FAM3C: variants seen among roughly 807,000 people sequenced by gnomAD.
FAM3C encodes protein FAM3C.
Under a neutral mutation model 32.5 loss-of-function variants are expected in FAM3C, and 15 were observed. The observed-to-expected ratio is 0.46, with a 90% CI of 0.31 to 0.71. The LOEUF (loss-of-function observed/expected upper bound fraction) is 0.71, where lower values mean the gene tolerates loss of function less well. Ranked by LOEUF, FAM3C falls within the 30% of genes least tolerant of loss-of-function variation. The pLI is 0.05. For missense variants in FAM3C, 175 were observed against 274.4 expected (o/e 0.64, Z 2.56); for synonymous variants, 75 against 86.1 (o/e 0.87, Z 0.72).
Position 121,350,454 on chromosome 7 carries a change from A to G in FAM3C, c.*7T>C, listed in dbSNP as rs367676796. Reference sequence around the variant, plus strand: ...GTGCGCTTTCTTCAATTCTCTCCACATTTCCATTAGTCTTGCTTCTGGGGG... The same window carrying G: ...GTGCGCTTTCTTCAATTCTCTCCACGTTTCCATTAGTCTTGCTTCTGGGGG... On this transcript the variant is annotated 3_prime_UTR_variant, in exon 10 of 10. Coordinates refer to ENST00000359943, the MANE Select transcript of FAM3C (RefSeq NM_014888.3). 2.5e-5 allele frequency: 40 copies of G among 1,611,020 alleles called. No homozygotes were observed. The highest frequency in any genetic ancestry group is 3.2e-5 in the Non-Finnish European group (38 of 1,179,166).
Position 121,350,537 on chromosome 7 carries a change from T to C in FAM3C, c.608A>G (p.Asn203Ser), listed in dbSNP as rs1245016738. Residue 203 changes from asparagine (N) to serine (S), a missense_variant, in exon 10 of 10, where the codon AAT (asparagine) becomes AGT (serine). Physicochemically the swap from Asn to Ser is conservative, Grantham distance 46. Transcript: ENST00000359943. ...KSPFEQHIKN[N>S]KDTNKYEGWP... ...TCCTTCATATTTGTTTGTATCCTTA[T>C]TGTTCTTTATGTGCTATTGGAACAC... 5 of 1,613,094 alleles carry C rather than the reference T, an allele frequency of 3.1e-6. No homozygotes were observed. Among genetic ancestry groups the C allele is most frequent in the East Asian group, 4.5e-5 (2 of 44,820 alleles).
intron 1 of FAM3C, among the ~76,000 whole-genome samples, chr7:121,385,439 G>A (rs1216146868): frequency 6.6e-6 from 1 of 152,134 alleles, no homozygotes; most frequent in African/African-American, 2.4e-5. Flanking sequence ...CCACAATGTC[G>A]CTGGACAATG....
intron 1 of FAM3C, among the ~76,000 whole-genome samples, chr7:121,393,319 G>T (rs988967729): frequency 4.6e-5 from 7 of 152,242 alleles, no homozygotes; most frequent in African/African-American, 1.7e-4. Context: ...TTAGTCGTGT[G>T]TGGTGGCACA....
chr7:121,352,230 A>C (rs1279613321), intron 8 of FAM3C, among the ~76,000 whole-genome samples: 7 of 152,224 alleles, frequency 4.6e-5, no homozygotes, highest in Admixed American at 4.6e-4. Context: ...CTCTCATGCT[A>C]GTATCAAGTA....
rs67277678 is a variant in FAM3C, at chr7:121,381,656, C to CCACACA, written c.13+1295_13+1300dup. On this transcript the variant is annotated intron_variant, in intron 2 of 9. Transcript: ENST00000359943. ...AAGTCCTGCTGTACTCAAAGAACAT[C>CCACACA]CACACACACACACACACACACACAC... Among the ~76,000 whole-genome samples the CCACACA allele has an allele frequency of 8.0e-3, 1,139 of 142,322 alleles. 23 individuals are homozygous for CCACACA. The South Asian group carries it at 0.089, about 11-fold the overall frequency. The allele number at this position is 142,322 out of a possible 152,430, so 93.4% of individuals were successfully genotyped here. A position where few individuals can be genotyped will look rare whatever the true frequency, so the allele number is the denominator to read the frequency against.
intron 1 of FAM3C, among the ~76,000 whole-genome samples, chr7:121,392,242 T>C (rs1198015882): frequency 1.3e-5 from 2 of 152,158 alleles, no homozygotes; most frequent in Admixed American, 6.5e-5. Flanking sequence ...TATAAAGAAA[T>C]ACCCAAGACT....
At chr7:121,369,966 A>G (rs1794112579) in intron 5 of FAM3C, among the ~76,000 whole-genome samples, 1 of 152,192 alleles carries the variant, frequency 6.6e-6, no homozygotes, top group African/African-American at 2.4e-5. Flanking sequence ...TCTTCTCTGA[A>G]CTAAAATTCA....
chr7:121,351,415 C>T (rs1231256148), intron 8 of FAM3C, 146 bp from the exon 9 acceptor site: 14 of 642,750 alleles, frequency 2.2e-5, no homozygotes, highest in Non-Finnish European at 3.1e-5. Flanking sequence ...TTCAGAGTTA[C>T]ATTTCTACTG....
chr7:121,355,118 GA>G (rs1009866971), intron 8 of FAM3C, among the ~76,000 whole-genome samples: 1 of 152,160 alleles, frequency 6.6e-6, no homozygotes, highest in African/African-American at 2.4e-5. Context: ...TGTTTCATGA[GA>G]ATGATATATC....
At chr7:121,390,392 G>A (rs150234958) in intron 1 of FAM3C, among the ~76,000 whole-genome samples, 45 of 152,306 alleles carry the variant, frequency 3.0e-4, no homozygotes, top group Admixed American at 7.2e-4. Flanking sequence ...CCTGGGCATA[G>A]GCCATAACTT....
chr7:121,350,717 C>CAGTA (rs1488294542), intron 9 of FAM3C, among the ~76,000 whole-genome samples, 167 bp from the exon 10 acceptor site: 2 of 152,208 alleles, frequency 1.3e-5, no homozygotes, highest in Non-Finnish European at 2.9e-5. Flanking sequence ...GTATCACATA[C>CAGTA]ATGGCAGACC....
intron 6 of FAM3C, 98 bp downstream of exon 6, chr7:121,364,032 A>G (rs1355741521): frequency 2.5e-6 from 2 of 795,260 alleles, no homozygotes; most frequent in African/African-American, 1.7e-5. Context: ...TATCATCAAG[A>G]GCAGTACTTT....
At chr7:121,392,398 C>T (rs1376502558) in intron 1 of FAM3C, among the ~76,000 whole-genome samples, 1 of 152,076 alleles carries the variant, frequency 6.6e-6, no homozygotes, top group Non-Finnish European at 1.5e-5. Flanking sequence ...AGAGAGAGTG[C>T]AGGAAAAACT....
Position 121,382,992 on chromosome 7 carries a change from A to G in FAM3C, c.-23T>C. 1 of 1,591,612 alleles carries G rather than the reference A, an allele frequency of 6.3e-7. No individual in the cohort carries two copies. Among genetic ancestry groups the G allele is most frequent in the East Asian group, 2.3e-5 (1 of 44,424 alleles). ...CATGTTTGGTTTTTCAGTTTATGGC[A>G]CTTTTCATTAATATGCTCCTAAAAA... is the stretch of plus-strand genomic sequence containing the variant. On this transcript the variant is annotated 5_prime_UTR_variant, in exon 2 of 10. Coordinates refer to ENST00000359943, the MANE Select transcript of FAM3C (RefSeq NM_014888.3).
At chr7:121,357,165 C>T (rs1793830572) in intron 8 of FAM3C, among the ~76,000 whole-genome samples, 1 of 152,114 alleles carries the variant, frequency 6.6e-6, no homozygotes, top group Non-Finnish European at 1.5e-5. Context: ...TGCTGAAGTT[C>T]ATAGCACTGC....
intron 1 of FAM3C, among the ~76,000 whole-genome samples, chr7:121,390,574 T>C (rs1372418438): frequency 6.6e-6 from 1 of 152,182 alleles, no homozygotes; most frequent in African/African-American, 2.4e-5. Context: ...ATTCTGACCC[T>C]TACCATCTGT....
chr7:121,362,699 T>A (rs1793949362), intron 7 of FAM3C, 198 bp downstream of exon 7: 1 of 520,760 alleles, frequency 1.9e-6, no homozygotes, highest in East Asian at 3.6e-5. Flanking sequence ...ACCACAAAAA[T>A]TTTTTTCTAA....
chr7:121,355,652 T>C (rs1255891998), intron 8 of FAM3C, among the ~76,000 whole-genome samples: 3 of 152,186 alleles, frequency 2.0e-5, no homozygotes, highest in African/African-American at 7.2e-5. Context: ...GAGCATATGA[T>C]AGTCTCAGAA....
chr7:121,362,744 T>C, intron 7 of FAM3C, 153 bp downstream of exon 7: 2 of 608,518 alleles, frequency 3.3e-6, no homozygotes, highest in Non-Finnish European at 5.8e-6. Flanking sequence ...AATGATAACT[T>C]AAATACAGCT....
Sources: allele counts gnomAD v4.1 joint callset (sites outside exome capture counted in the v4.1 genomes callset), GRCh38; gene constraint gnomAD v4.1.1; transcripts MANE v1.5; gene names NCBI Gene and HGNC (gene_info 2026-07-23, HGNC 2026-07-21).